The following ABCA12 variants were observed in gnomAD, a reference collection of about 807,000 sequenced individuals.
The protein encoded by ABCA12 is glucosylceramide transporter ABCA12.
Under a neutral mutation model 293.5 loss-of-function variants are expected in ABCA12, and 156 were observed. The ratio of observed to expected loss-of-function variants is 0.53; its 90% CI spans 0.47 to 0.61. The LOEUF is 0.61. Among genes scored for constraint, ABCA12 ranks in the 20% least tolerant of loss-of-function variants. The pLI is 0.00. For synonymous variants in ABCA12, 1,063 were observed against 1,108.0 expected, an observed-to-expected ratio of 0.96 and a Z score of 0.81; for missense variants, 2,797 against 3,090.2, an observed-to-expected ratio of 0.91 and a Z score of 2.25.
chr2:215,053,817 T>C (rs148997815), intron 4 of ABCA12, among the ~76,000 whole-genome samples: 45 of 152,170 alleles, frequency 3.0e-4, no homozygotes, highest in African/African-American at 1.1e-3. Flanking sequence ...GGCTGCTTAG[T>C]ATTAGGGACT....
intron 1 of ABCA12, 121 bp downstream of exon 1, chr2:215,138,019 A>T: frequency 9.8e-7 from 1 of 1,016,064 alleles, no homozygotes; most frequent in Non-Finnish European, 1.6e-6. Flanking sequence ...TAAATATCTT[A>T]CTTCCTGCTT....
At position 215,010,599 on chromosome 2, in the gene ABCA12, C is replaced by T. The variant is rs989067842; in HGVS notation, c.2333-129G>A. On this transcript the variant is annotated intron_variant, in intron 17 of 52. Coordinates refer to ENST00000272895, the MANE Select transcript of ABCA12 (RefSeq NM_173076.3). ...GCTCTAGTACTTCCTATATTATTAACAGATGTGAGGCATCTGGTGTCAAAG... is the reference window on the plus strand; with the variant it reads ...GCTCTAGTACTTCCTATATTATTAATAGATGTGAGGCATCTGGTGTCAAAG... 7.5e-6 allele frequency: 8 copies of T among 1,061,666 alleles called. No homozygotes were observed. In the Admixed American group the frequency reaches 1.6e-4, roughly 22 times the overall value. 65.8% of individuals were successfully genotyped at this position (1,061,666 alleles called of 1,614,324 possible). A position where few individuals can be genotyped will look rare whatever the true frequency, so the allele number is the denominator to read the frequency against.
At position 214,934,111 on chromosome 2, in the gene ABCA12, T is replaced by G. The variant is rs1458814669; in HGVS notation, c.7647A>C (p.Thr2549=). The change falls in exon 52 of 53, where the codon ACA becomes ACC. Residue 2549 remains threonine (T), a synonymous_variant. Coordinates refer to ENST00000272895, the MANE Select transcript of ABCA12 (RefSeq NM_173076.3). ...LETNKTALNI[T]NFLVSQTTLE... is the part of the protein sequence containing the mutation. ...GAGTGGTCTGACTCACTAAGAAATTTGTAATATTTAAAGCAGTCTTGTTGG... is the reference window on the plus strand; with the variant it reads ...GAGTGGTCTGACTCACTAAGAAATTGGTAATATTTAAAGCAGTCTTGTTGG... The G allele has an allele frequency of 1.2e-6, 2 of 1,613,620 alleles. No homozygotes were observed. Among genetic ancestry groups the G allele is most frequent in the African/African-American group, 2.7e-5 (2 of 74,888 alleles).
chr2:214,955,655 T>C (rs994342915), intron 42 of ABCA12, among the ~76,000 whole-genome samples: 11 of 152,148 alleles, frequency 7.2e-5, no homozygotes, highest in African/African-American at 2.4e-4. Flanking sequence ...CAGAGTGAGA[T>C]CCTGTCTCAG....
intron 13 of ABCA12, among the ~76,000 whole-genome samples, chr2:215,018,390 G>A (rs1284708001): frequency 6.6e-6 from 1 of 152,050 alleles, no homozygotes; most frequent in East Asian, 1.9e-4. Flanking sequence ...ACAAGTCAAG[G>A]TTTATTTAAG....
chr2:215,084,860 G>A (rs1043407308), intron 2 of ABCA12, among the ~76,000 whole-genome samples: 1 of 152,020 alleles, frequency 6.6e-6, no homozygotes, highest in South Asian at 2.1e-4. Flanking sequence ...TTTGGAGGCC[G>A]AGTCGGGCAG....
intron 27 of ABCA12, among the ~76,000 whole-genome samples, chr2:214,987,304 G>C (rs1699809468): frequency 6.6e-6 from 1 of 152,094 alleles, no homozygotes; most frequent in Non-Finnish European, 1.5e-5. Context: ...ACTCAAACTT[G>C]TTACTTGGTT....
At chr2:215,107,354 A>G (rs944964167) in intron 2 of ABCA12, among the ~76,000 whole-genome samples, 1 of 152,178 alleles carries the variant, frequency 6.6e-6, no homozygotes, top group African/African-American at 2.4e-5. Context: ...TGGCTTTAAC[A>G]TTTGCCTCTT....
chr2:214,937,346 G>A (rs1698252000), intron 51 of ABCA12, among the ~76,000 whole-genome samples, 164 bp downstream of exon 51: 1 of 152,128 alleles, frequency 6.6e-6, no homozygotes, highest in South Asian at 2.1e-4. Flanking sequence ...TTACAGGCAT[G>A]TGCCACCATG....
intron 14 of ABCA12, 78 bp downstream of exon 14, chr2:215,017,930 T>A: frequency 6.3e-7 from 1 of 1,593,594 alleles, no homozygotes; most frequent in Non-Finnish European, 8.6e-7. Context: ...AGTGTTTAAC[T>A]GGTAAGCGCT....
intron 7 of ABCA12, among the ~76,000 whole-genome samples, chr2:215,045,177 C>CTATACAGG: frequency 6.6e-6 from 1 of 152,250 alleles, no homozygotes; most frequent in Non-Finnish European, 1.5e-5. Context: ...TTCAAATTAG[C>CTATACAGG]TATACAGGGC....
At chr2:215,070,920 C>G (rs1401746518) in intron 2 of ABCA12, among the ~76,000 whole-genome samples, 2 of 152,070 alleles carry the variant, frequency 1.3e-5, no homozygotes, top group Non-Finnish European at 2.9e-5. Context: ...GAGGCTCACA[C>G]CTATACTCTC....
At chr2:215,067,673 C>T (rs907438703) in intron 2 of ABCA12, among the ~76,000 whole-genome samples, 1 of 152,008 alleles carries the variant, frequency 6.6e-6, no homozygotes, top group Non-Finnish European at 1.5e-5. Context: ...CTGGTTATGG[C>T]TTAGTTTCTC....
chr2:214,978,653 G>T, intron 32 of ABCA12, 151 bp downstream of exon 32: 1 of 1,035,564 alleles, frequency 9.7e-7, no homozygotes, highest in Non-Finnish European at 1.4e-6. Flanking sequence ...TTTATTCTCA[G>T]TCTTACATAA....
At chr2:215,130,905 G>T (rs77005062) in intron 1 of ABCA12, among the ~76,000 whole-genome samples, 6,248 of 151,338 alleles carry the variant, frequency 0.041, 175 homozygotes, top group African/African-American at 0.06. Context: ...TTATTTTGAG[G>T]TATGTTTCAT....
At chr2:215,087,591 TG>T (rs1702067847) in intron 2 of ABCA12, among the ~76,000 whole-genome samples, 1 of 151,994 alleles carries the variant, frequency 6.6e-6, no homozygotes, top group African/African-American at 2.4e-5. Flanking sequence ...CAATTTCAAT[TG>T]GCATGATTCT....
chr2:215,079,650 A>T (rs1350673223), intron 2 of ABCA12, among the ~76,000 whole-genome samples: 1 of 152,176 alleles, frequency 6.6e-6, no homozygotes, highest in Non-Finnish European at 1.5e-5. Context: ...CTCAGGTCAA[A>T]ATGAGCTGCC....
intron 2 of ABCA12, among the ~76,000 whole-genome samples, chr2:215,106,919 T>G (rs1702474445): frequency 6.6e-6 from 1 of 152,186 alleles, no homozygotes; most frequent in Admixed American, 6.5e-5. Context: ...GATTTTCACA[T>G]GCAAGATGGG....
At chr2:215,111,465 G>A in intron 2 of ABCA12, 132 bp downstream of exon 2, 1 of 629,186 alleles carries the variant, frequency 1.6e-6, no homozygotes, top group Non-Finnish European at 2.8e-6. Context: ...CACACAAATT[G>A]TTCATATTAA....
Sources: allele counts gnomAD v4.1 joint callset (sites outside exome capture counted in the v4.1 genomes callset), GRCh38; gene constraint gnomAD v4.1.1; transcripts MANE v1.5; gene names NCBI Gene and HGNC (gene_info 2026-07-23, HGNC 2026-07-21).